The following WDR70 variants were observed in gnomAD, a reference collection of about 807,000 sequenced individuals.
WDR70 encodes the protein WD repeat-containing protein 70.
A neutral mutation model predicts 88.6 loss-of-function variants in WDR70; 53 were observed. That is an observed-to-expected ratio of 0.60 (90% CI 0.48 to 0.75). The LOEUF (loss-of-function observed/expected upper bound fraction) is 0.75. Among genes scored for constraint, WDR70 ranks in the 30% least tolerant of loss-of-function variants. WDR70 has a pLI of 0.00. For synonymous variants in WDR70, 280 were observed against 270.0 expected (o/e 1.04, Z -0.36); for missense variants, 610 against 823.2 (o/e 0.74, Z 3.17).
At chr5:37,654,366 T>G (rs1038118585) in intron 10 of WDR70, among the ~76,000 whole-genome samples, 2 of 152,190 alleles carry the variant, frequency 1.3e-5, no homozygotes, top group African/African-American at 2.4e-5. Context: ...ACTCCAGTTA[T>G]GTGGTCAATT....
intron 9 of WDR70, 135 bp downstream of exon 9, chr5:37,516,725 A>ATATACATACATATT (rs1197472263): frequency 7.8e-6 from 1 of 127,478 alleles, no homozygotes; most frequent in African/African-American, 2.9e-5. Context: ...ATATATATAT[A>ATATACATACATATT]TTTTTTTTTT....
chr5:37,649,622 A>G (rs1372520664), intron 10 of WDR70, among the ~76,000 whole-genome samples: 3 of 151,570 alleles, frequency 2.0e-5, no homozygotes, highest in Admixed American at 1.3e-4. Flanking sequence ...ATGTGATACA[A>G]GTATCTTTTC....
intron 5 of WDR70, among the ~76,000 whole-genome samples, chr5:37,433,303 C>A (rs62360229): frequency 0.031 from 4,722 of 152,044 alleles, 109 homozygotes; most frequent in Non-Finnish European, 0.049. Context: ...TCAAGTGATC[C>A]GCCTACCTTG....
chr5:37,672,953 TATC>T (rs1455634764), intron 10 of WDR70, among the ~76,000 whole-genome samples: 1 of 152,156 alleles, frequency 6.6e-6, no homozygotes, highest in Non-Finnish European at 1.5e-5. Context: ...GGTAAACTTG[TATC>T]ATGGAGGCGG....
At chr5:37,511,067 A>G (rs147166083) in intron 8 of WDR70, among the ~76,000 whole-genome samples, 1 of 152,312 alleles carries the variant, frequency 6.6e-6, no homozygotes, top group African/African-American at 2.4e-5. Flanking sequence ...CATTGCAATT[A>G]CTAAGTAATT....
chr5:37,412,975 T>A (rs1435518317), intron 5 of WDR70, among the ~76,000 whole-genome samples: 1 of 152,234 alleles, frequency 6.6e-6, no homozygotes, highest in Non-Finnish European at 1.5e-5. Flanking sequence ...ATAACCAATT[T>A]AAATTTAATT....
intron 8 of WDR70, among the ~76,000 whole-genome samples, chr5:37,497,175 C>G (rs1740242980): frequency 6.7e-6 from 1 of 148,970 alleles, no homozygotes; most frequent in Non-Finnish European, 1.5e-5. Context: ...CCCTCCTTCC[C>G]TCCCTTCCCC....
At chr5:37,655,898 A>T (rs1161443993) in intron 10 of WDR70, among the ~76,000 whole-genome samples, 1 of 151,976 alleles carries the variant, frequency 6.6e-6, no homozygotes, top group Non-Finnish European at 1.5e-5. Context: ...CGTTTAGCTC[A>T]GAGGAGTTCA....
intron 9 of WDR70, among the ~76,000 whole-genome samples, chr5:37,538,228 C>G (rs1741719098): frequency 1.3e-5 from 2 of 152,128 alleles, no homozygotes; most frequent in African/African-American, 4.8e-5. Flanking sequence ...CTTTCTATCT[C>G]TCCTCTCCTG....
At chr5:37,711,302 A>G (rs1747504448) in intron 13 of WDR70, among the ~76,000 whole-genome samples, 2 of 152,152 alleles carry the variant, frequency 1.3e-5, no homozygotes. Flanking sequence ...CAGTTTCTCA[A>G]TATTATTTTC....
chr5:37,674,679 C>G (rs373551904), intron 10 of WDR70, among the ~76,000 whole-genome samples: 11 of 152,020 alleles, frequency 7.2e-5, no homozygotes, highest in South Asian at 6.2e-4. Flanking sequence ...TGTGAATAGT[C>G]CCGCAATAAA....
chr5:37,650,818 C>T (rs776651954), intron 10 of WDR70, among the ~76,000 whole-genome samples: 3 of 152,112 alleles, frequency 2.0e-5, no homozygotes, highest in Non-Finnish European at 2.9e-5. Flanking sequence ...CCGTCCTGTG[C>T]TCTGGTCCCT....
At position 37,516,488 on chromosome 5, in the gene WDR70, T is replaced by G. The variant is rs762363328; in HGVS notation, c.841-26T>G. On this transcript the variant is annotated intron_variant, in intron 8 of 17. Coordinates refer to ENST00000265107, the MANE Select transcript of WDR70 (RefSeq NM_018034.4). ...TTTTTTACCTTTTTAAAACATCTTT[T>G]TTTCCCCTTTGTCTTTATTTTTAAG... 3.4e-6 allele frequency: 5 copies of G among 1,478,350 alleles called. No individual in the cohort carries two copies. The South Asian group carries it at 6.3e-5, about 19-fold the overall frequency. 91.6% of individuals were successfully genotyped at this position (1,478,350 alleles called of 1,614,324 possible).
At chr5:37,563,360 T>A (rs1742595077) in intron 9 of WDR70, among the ~76,000 whole-genome samples, 1 of 47,838 alleles carries the variant, frequency 2.1e-5, no homozygotes, top group Non-Finnish European at 4.7e-5. Context: ...GGCTCCTCTC[T>A]TCCCAGTAGG....
intron 9 of WDR70, among the ~76,000 whole-genome samples, chr5:37,552,544 A>G (rs879361444): frequency 3.3e-5 from 5 of 152,218 alleles, no homozygotes; most frequent in African/African-American, 7.2e-5. Flanking sequence ...TGGATAGCAT[A>G]AAAGTAGTTA....
At chr5:37,730,761 G>A (rs982000096) in intron 17 of WDR70, among the ~76,000 whole-genome samples, 3 of 152,060 alleles carry the variant, frequency 2.0e-5, no homozygotes, top group Non-Finnish European at 4.4e-5. Context: ...GAGAAAACTG[G>A]ATGCTGATTA....
chr5:37,581,057 A>G (rs1335775535), intron 9 of WDR70, among the ~76,000 whole-genome samples: 1 of 152,244 alleles, frequency 6.6e-6, no homozygotes, highest in African/African-American at 2.4e-5. Context: ...TCCAGTGACT[A>G]TGACAAAATT....
intron 13 of WDR70, among the ~76,000 whole-genome samples, chr5:37,717,789 A>G (rs1007754622): frequency 1.5e-4 from 23 of 152,220 alleles, no homozygotes; most frequent in African/African-American, 5.3e-4. Flanking sequence ...CATTTCCTTG[A>G]CAGGATAAAA....
intron 9 of WDR70, among the ~76,000 whole-genome samples, chr5:37,581,602 T>C (rs771844097): frequency 2.6e-5 from 4 of 152,156 alleles, no homozygotes; most frequent in Non-Finnish European, 5.9e-5. Context: ...AGCAATGCAG[T>C]CTAAATATAA....
Sources: gnomAD v4.1 joint callset for allele counts (sites outside exome capture counted in the v4.1 genomes callset) on GRCh38, gnomAD v4.1.1 for gene constraint, MANE v1.5 for transcripts, NCBI Gene and HGNC (gene_info 2026-07-23, HGNC 2026-07-21) for gene names.